The following CAPG variants were observed in gnomAD, a reference collection of about 807,000 sequenced individuals.
CAPG encodes the protein macrophage-capping protein.
A neutral mutation model predicts 44.6 loss-of-function variants in CAPG; 32 were observed. The observed-to-expected ratio is 0.72, with a 90% confidence interval of 0.54 to 0.96. The LOEUF is 0.96. Among genes scored for constraint, CAPG ranks in the 50% least tolerant of loss-of-function variants. CAPG has a pLI of 0.00. For synonymous variants in CAPG, 175 were observed against 179.6 expected (o/e 0.97, Z 0.20); for missense variants, 412 against 438.3 (o/e 0.94, Z 0.54).
chr2:85,402,304 C>A (rs1686943118), intron 1 of CAPG, 146 bp from the exon 2 acceptor site: 1 of 660,666 alleles, frequency 1.5e-6, no homozygotes, highest in Non-Finnish European at 2.7e-6. Flanking sequence ...ATTATGCAGA[C>A]AAAGAAAATG....
Position 85,395,218 on chromosome 2 carries a change from G to GTCAGC in CAPG, c.982-265_982-261dup, listed in dbSNP as rs1169054372. On this transcript the variant is annotated intron_variant, in intron 9 of 9. Transcript: ENST00000263867. This position sits in a 1 kb window ranked among gnomAD's most constrained non-coding sequence, Gnocchi z 4.3. The stretch of plus-strand genomic sequence containing the variant: ...ATGCCACCAACGGTAGCTGAGCCCT[G>GTCAGC]TCAGCTCCCCACGGGATGACTTGTG... Among the ~76,000 whole-genome samples the GTCAGC allele has an allele frequency of 6.6e-6, 1 of 152,172 alleles. No individual in the cohort carries two copies. Among genetic ancestry groups the GTCAGC allele is most frequent in the Non-Finnish European group, 1.5e-5 (1 of 68,026 alleles).
intron 1 of CAPG, among the ~76,000 whole-genome samples, chr2:85,406,750 C>T (rs1043364707): frequency 1.3e-5 from 2 of 151,524 alleles, no homozygotes; most frequent in African/African-American, 4.8e-5. Flanking sequence ...CCCAGCTATT[C>T]GGGAGGCTGA....
Position 85,401,793 on chromosome 2 carries a change from A to T in CAPG, c.188T>A (p.Leu63Gln), listed in dbSNP as rs369804332. The T allele has an allele frequency of 6.2e-7, 1 of 1,613,476 alleles. No individual in the cohort carries two copies. The highest frequency in any genetic ancestry group is 8.5e-7 in the Non-Finnish European group (1 of 1,179,756). ...CATCCAGATCCCCTTACCTATCCACAGGTGCAGATGGGAAACCTCTTCTGG... is the reference window on the plus strand; with the variant it reads ...CATCCAGATCCCCTTACCTATCCACTGGTGCAGATGGGAAACCTCTTCTGG... Reference protein sequence around the residue: ...NGPEEVSHLHLWIGQQSSRDE... With the variant: ...NGPEEVSHLHQWIGQQSSRDE... Residue 63 changes from leucine to glutamine, a missense_variant, in exon 3 of 10, where the codon CTG (leucine) becomes CAG (glutamine). Transcript: ENST00000263867.
intron 1 of CAPG, among the ~76,000 whole-genome samples, chr2:85,407,070 G>A (rs1035696041): frequency 2.6e-5 from 4 of 151,640 alleles, no homozygotes; most frequent in African/African-American, 9.7e-5. Flanking sequence ...AGTGGGATTA[G>A]AGGCGTGCAC....
intron 1 of CAPG, among the ~76,000 whole-genome samples, chr2:85,406,579 C>G (rs1687168022): frequency 6.6e-6 from 1 of 152,162 alleles, no homozygotes; most frequent in African/African-American, 2.4e-5. Context: ...CTGTTAGGGG[C>G]CGGGCACAGT....
At chr2:85,394,106 G>A (rs1313753231), downstream of CAPG, among the ~76,000 whole-genome samples, 10 of 152,222 alleles carry the variant, frequency 6.6e-5, no homozygotes, top group Non-Finnish European at 1.2e-4. Context: ...CTTCTCAGAT[G>A]GGACCTCTTC....
chr2:85,394,902 G>A lies in CAPG; in HGVS notation c.1038C>T (p.Asp346=). The A allele has an allele frequency of 6.2e-7, 1 of 1,612,744 alleles. No homozygotes were observed. The change falls in exon 10 of 10, where the codon GAC becomes GAT. Residue 346 remains aspartate (D), a synonymous_variant. Coordinates refer to ENST00000263867, the MANE Select transcript of CAPG (RefSeq NM_001747.4). The part of the protein sequence containing the change: ...ESPIFKQFFK[D]WK ...AGGAAGACGCCCACCCTCATTTCCA[G>A]TCCTTGAAAAATTGCTTGAAGATGG... is the stretch of plus-strand genomic sequence containing the variant.
chr2:85,408,950 T>A (rs1020194962), intron 1 of CAPG: 4 of 152,200 alleles, frequency 2.6e-5, no homozygotes, highest in Non-Finnish European at 4.4e-5. Flanking sequence ...TCCCTTACCA[T>A]CCTCTTCTTG....
rs368826141 is a variant in CAPG at position 85,398,027 on chromosome 2, G to C, written c.885C>G (p.Ile295Met). ...LDNGLCGKIY[I>M]WKGRKANEKE... ...TACAGAGGAGCCACGTACCCTTCCA[G>C]ATATAGATCTTGCCACAGAGCCCGT... Residue 295 changes from isoleucine (I) to methionine (M), a missense_variant, in exon 8 of 10, where the codon ATC becomes ATG. Transcript: ENST00000263867. The C allele has an allele frequency of 2.5e-6, 4 of 1,613,888 alleles. No homozygotes were observed. In the African/African-American group the frequency reaches 4.0e-5, roughly 16 times the overall value.
At chr2:85,400,083 C>A (rs1317899764) in intron 5 of CAPG, among the ~76,000 whole-genome samples, 1 of 152,172 alleles carries the variant, frequency 6.6e-6, no homozygotes, top group South Asian at 2.1e-4. Flanking sequence ...TATGTTTAAA[C>A]GTCTCTTAAC....
chr2:85,395,008 C>A lies in CAPG; in HGVS notation c.982-50G>T. 7.4e-7 allele frequency: 1 copy of A among 1,344,252 alleles called. No individual in the cohort carries two copies. Among genetic ancestry groups the A allele is most frequent in the Non-Finnish European group, 1.1e-6 (1 of 935,720 alleles). The allele number at this position is 1,344,252 out of a possible 1,614,324, so 83.3% of individuals were successfully genotyped here. On this transcript the variant is annotated intron_variant, in intron 9 of 9. Transcript: ENST00000263867. This position sits in a 1 kb window ranked among gnomAD's most constrained non-coding sequence, Gnocchi z 4.3. ...CTGGTTCACAAAGTTGCCACCTCTGCCTCTGCCCAGGAGGACAGGAGGGGG... is the reference window on the plus strand; with the variant it reads ...CTGGTTCACAAAGTTGCCACCTCTGACTCTGCCCAGGAGGACAGGAGGGGG...
upstream of CAPG, among the ~76,000 whole-genome samples, chr2:85,414,497 A>G (rs1687507548): frequency 6.7e-6 from 1 of 149,518 alleles, no homozygotes; most frequent in African/African-American, 2.5e-5. Context: ...TGCTGTGATC[A>G]CAGCTCACTA....
intron 1 of CAPG, among the ~76,000 whole-genome samples, chr2:85,418,016 G>A (rs993923578): frequency 1.3e-5 from 2 of 152,124 alleles, no homozygotes; most frequent in African/African-American, 4.8e-5. Context: ...TCCCTCCCTG[G>A]GCTCCCCTCT....
In CAPG at chr2:85,394,837, A is replaced by G; in HGVS notation, c.*56T>C. ...TCTGCACTGACCAGGCAGCCAGAGA[A>G]GCAAGCAGGCAGGTGGTGGGGGGCA... On this transcript the variant is annotated 3_prime_UTR_variant, in exon 10 of 10. Coordinates refer to ENST00000263867, the MANE Select transcript of CAPG (RefSeq NM_001747.4). The G allele has an allele frequency of 7.8e-7, 1 of 1,278,768 alleles. No individual in the cohort carries two copies. Among genetic ancestry groups the G allele is most frequent in the Middle Eastern group, 1.8e-4 (1 of 5,446 alleles). 79.2% of individuals were successfully genotyped at this position (1,278,768 alleles called of 1,614,324 possible).
At chr2:85,402,924 C>T (rs1370260317) in intron 1 of CAPG, among the ~76,000 whole-genome samples, 1 of 151,468 alleles carries the variant, frequency 6.6e-6, no homozygotes, top group Non-Finnish European at 1.5e-5. Flanking sequence ...GCCCACACCA[C>T]CACGCCTGGC....
At chr2:85,400,727 C>G (rs1022868513) in intron 5 of CAPG, among the ~76,000 whole-genome samples, 3 of 152,072 alleles carry the variant, frequency 2.0e-5, no homozygotes, top group Non-Finnish European at 4.4e-5. Flanking sequence ...GCCCCAAGAC[C>G]CCCCCAGCAC....
intron 1 of CAPG, among the ~76,000 whole-genome samples, chr2:85,405,048 C>T (rs1170836086): frequency 6.6e-6 from 1 of 151,846 alleles, no homozygotes; most frequent in Non-Finnish European, 1.5e-5. Flanking sequence ...AAACCCTTCA[C>T]CTAACATTAT....
chr2:85,401,053 G>C, intron 5 of CAPG, 112 bp downstream of exon 5: 1 of 990,782 alleles, frequency 1.0e-6, no homozygotes, highest in Non-Finnish European at 1.5e-6. Context: ...GATCTCACTT[G>C]GAATGGGTTT....
At chr2:85,399,054 C>G in intron 6 of CAPG, 82 bp downstream of exon 6, 1 of 1,498,670 alleles carries the variant, frequency 6.7e-7, no homozygotes, top group Non-Finnish European at 9.2e-7. Flanking sequence ...CCACCGGCCA[C>G]TCTCAGCCCT....
Sources: allele counts gnomAD v4.1 joint callset (sites outside exome capture counted in the v4.1 genomes callset), GRCh38; gene constraint gnomAD v4.1.1; non-coding constraint Gnocchi (gnomAD v3.1); transcripts MANE v1.5; gene names NCBI Gene and HGNC (gene_info 2026-07-23, HGNC 2026-07-21).